PRDM11: variants seen among roughly 807,000 people sequenced by gnomAD.
The protein encoded by PRDM11 is PR domain-containing protein 11.
A neutral mutation model predicts 97.8 loss-of-function variants in PRDM11; 20 were observed. The ratio of observed to expected loss-of-function variants is 0.20; its 90% CI spans 0.14 to 0.30. PRDM11 has a LOEUF of 0.30. Ranked by LOEUF, PRDM11 falls within the 10% of genes least tolerant of loss-of-function variation. The pLI is 1.00. For missense variants in PRDM11, 1,139 were observed against 1,555.2 expected (o/e 0.73, Z 4.50); for synonymous variants, 599 against 637.7 (o/e 0.94, Z 0.91).
At chr11:45,138,701 T>C (rs550489157) in intron 1 of PRDM11, among the ~76,000 whole-genome samples, 2 of 152,342 alleles carry the variant, frequency 1.3e-5, no homozygotes, top group South Asian at 4.1e-4. Context: ...TGCTATACTC[T>C]ACACCAAAGT....
At chr11:45,183,267 C>G in intron 4 of PRDM11, 144 bp downstream of exon 4, 1 of 1,198,864 alleles carries the variant, frequency 8.3e-7, no homozygotes, top group Non-Finnish European at 1.1e-6. Context: ...CTTGCTGTCC[C>G]CTGGCCCCGG....
At position 45,219,190 on chromosome 11, in the gene PRDM11, T is replaced by TG. The variant is rs1854040100; in HGVS notation, c.555-377dup. Among the ~76,000 whole-genome samples the TG allele has an allele frequency of 6.6e-6, 1 of 152,258 alleles. No individual in the cohort carries two copies. The highest frequency in any genetic ancestry group is 2.4e-5 in the African/African-American group (1 of 41,462). ...CCACCTTCAGAGGCCTGTGGGTATC[T>TG]GGGAACCCCAGTGGTTAAAAGTTAG... is the stretch of plus-strand genomic sequence containing the variant. On this transcript the variant is annotated intron_variant, in intron 5 of 7. Transcript: ENST00000683152. This position sits in a 1 kb window ranked among gnomAD's most constrained non-coding sequence, Gnocchi z 4.2.
At chr11:45,186,367 A>G (rs1213230757) in intron 4 of PRDM11, among the ~76,000 whole-genome samples, 1 of 152,060 alleles carries the variant, frequency 6.6e-6, no homozygotes, top group African/African-American at 2.4e-5. Flanking sequence ...TGTCCAGAGC[A>G]CTCTGGTGTG....
chr11:45,140,020 G>T (rs965271137), intron 1 of PRDM11, among the ~76,000 whole-genome samples: 1 of 152,092 alleles, frequency 6.6e-6, no homozygotes, highest in Non-Finnish European at 1.5e-5. Flanking sequence ...GCCAAGTAGG[G>T]TCCCTCAGAA....
At chr11:45,127,781 G>T (rs572262912) in intron 1 of PRDM11, among the ~76,000 whole-genome samples, 1 of 152,270 alleles carries the variant, frequency 6.6e-6, no homozygotes, top group African/African-American at 2.4e-5. Flanking sequence ...GTGCCTCCCA[G>T]TTAGGCTGCT....
intron 1 of PRDM11, among the ~76,000 whole-genome samples, chr11:45,130,545 G>C (rs773656416): frequency 2.4e-4 from 37 of 152,074 alleles, no homozygotes; most frequent in Non-Finnish European, 4.7e-4. Flanking sequence ...AAAAGAAAAA[G>C]ATTGTGAATA....
chr11:45,207,932 A>AT (rs1309894650), intron 5 of PRDM11, among the ~76,000 whole-genome samples: 1 of 152,104 alleles, frequency 6.6e-6, no homozygotes, highest in African/African-American at 2.4e-5. Context: ...TCTTGGGTGG[A>AT]TTTTTTCACC....
intron 1 of PRDM11, among the ~76,000 whole-genome samples, chr11:45,159,496 C>T (rs541371938): frequency 3.9e-5 from 6 of 152,312 alleles, no homozygotes; most frequent in South Asian, 2.1e-4. Context: ...GCCCAGTTTG[C>T]GGATGAAGGA....
chr11:45,212,409 T>C (rs1853779283), intron 5 of PRDM11: 5 of 355,500 alleles, frequency 1.4e-5, no homozygotes, highest in African/African-American at 4.3e-5. Context: ...GGCCAACCCC[T>C]GGGCCTCCCT....
rs779687427 is a variant in PRDM11, at chr11:45,182,364, G to T, written c.223+15G>T. The stretch of plus-strand genomic sequence containing the variant: ...GGACTTCTGGTGTAAGTGGAGCTTG[G>T]GGCTCTGGGCTGCTCCTCCCTTCAC... On this transcript the variant is annotated intron_variant, in intron 3 of 7. Transcript: ENST00000683152. The T allele has an allele frequency of 1.2e-6, 2 of 1,606,098 alleles. No homozygotes were observed. The highest frequency in any genetic ancestry group is 2.2e-5 in the South Asian group (2 of 90,622).
rs374976952 is a variant in PRDM11, at chr11:45,224,557, G to A, written c.1083G>A (p.Gly361=). The A allele has an allele frequency of 1.9e-6, 3 of 1,613,984 alleles. No individual in the cohort carries two copies. Among genetic ancestry groups the A allele is most frequent in the African/African-American group, 2.7e-5 (2 of 74,912 alleles). Reference sequence around the variant, plus strand: ...TGCAGAATATAGGCCAGACCCAGGGGGAGGGGGACTGGAAGGTCCCCCAGG... The same window carrying A: ...TGCAGAATATAGGCCAGACCCAGGGAGAGGGGGACTGGAAGGTCCCCCAGG... The part of the protein sequence containing the change: ...HGVQNIGQTQ[G]EGDWKVPQGV... Residue 361 remains glycine, a synonymous_variant, in exon 7 of 8, where the codon GGG becomes GGA. Transcript: ENST00000683152.
intron 5 of PRDM11, among the ~76,000 whole-genome samples, chr11:45,215,159 A>G (rs1264295456): frequency 1.3e-5 from 2 of 152,134 alleles, no homozygotes; most frequent in East Asian, 1.9e-4. Context: ...CTCCCCACCA[A>G]TCCAGGTGTC....
intron 1 of PRDM11, among the ~76,000 whole-genome samples, chr11:45,157,759 G>A (rs914325459): frequency 1.4e-4 from 22 of 152,240 alleles, no homozygotes; most frequent in Non-Finnish European, 1.0e-4. Context: ...GTCATGGGCT[G>A]GCCATGGCAG....
chr11:45,127,484 T>C (rs561880102), intron 1 of PRDM11, among the ~76,000 whole-genome samples: 3 of 152,360 alleles, frequency 2.0e-5, no homozygotes, highest in Admixed American at 6.5e-5. Flanking sequence ...CTTTTGGTCT[T>C]TGATGATGGT....
chr11:45,220,906 T>C (rs534355799), intron 6 of PRDM11, among the ~76,000 whole-genome samples: 1 of 152,274 alleles, frequency 6.6e-6, no homozygotes, highest in African/African-American at 2.4e-5. Flanking sequence ...GTGTTTTTTT[T>C]GTTTGTTTGT....
Position 45,226,133 on chromosome 11 carries a change from G to A in PRDM11, c.1508G>A (p.Arg503Gln), listed in dbSNP as rs937184981. ...AAGATGTCATCGGCCACCGGGCGCC[G>A]AATCCGGCGCTTTAAGCAGGAATGG... ...PSKMSSATGR[R>Q]IRRFKQEWLK... Residue 503 changes from arginine to glutamine, a missense_variant, in exon 8 of 8, where the codon CGA becomes CAA. Arg to Gln is a conservative substitution (Grantham distance 43). Around this residue, in one of 2 missense-constraint regions of PRDM11, gnomAD observed 710 missense variants for 1,044.9 expected, o/e 0.68. Coordinates refer to ENST00000683152, the MANE Select transcript of PRDM11 (RefSeq NM_001384648.1). 5 of 1,533,018 alleles carry A rather than the reference G, an allele frequency of 3.3e-6. No individual in the cohort carries two copies. Among genetic ancestry groups the A allele is most frequent in the East Asian group, 2.4e-5 (1 of 40,880 alleles). 95.0% of individuals were successfully genotyped at this position (1,533,018 alleles called of 1,614,324 possible). A position where few individuals can be genotyped will look rare whatever the true frequency, so the allele number is the denominator to read the frequency against.
chr11:45,174,617 A>G (rs1852284634), intron 1 of PRDM11, among the ~76,000 whole-genome samples: 1 of 152,226 alleles, frequency 6.6e-6, no homozygotes, highest in Non-Finnish European at 1.5e-5. Context: ...TCTAATCTGG[A>G]TTCCTCCTTT....
chr11:45,189,179 G>A (rs953609815), intron 4 of PRDM11, among the ~76,000 whole-genome samples: 1 of 152,140 alleles, frequency 6.6e-6, no homozygotes, highest in African/African-American at 2.4e-5. Flanking sequence ...GGGATTACAG[G>A]CTTGAGCCAC....
At chr11:45,198,506 T>C (rs1354619487) in intron 4 of PRDM11, among the ~76,000 whole-genome samples, 3 of 152,242 alleles carry the variant, frequency 2.0e-5, no homozygotes, top group Non-Finnish European at 4.4e-5. Flanking sequence ...CAGGATTGAA[T>C]TATGAATGCT....
Sources: allele counts gnomAD v4.1 joint callset (sites outside exome capture counted in the v4.1 genomes callset), GRCh38; gene constraint gnomAD v4.1.1; regional missense constraint gnomAD v4.1.1; non-coding constraint Gnocchi (gnomAD v3.1); transcripts MANE v1.5; gene names NCBI Gene and HGNC (gene_info 2026-07-23, HGNC 2026-07-21).